The following NCOA7 variants were observed in gnomAD, a reference collection of about 807,000 sequenced individuals.
NCOA7 encodes 140 kDa estrogen receptor-associated protein.
Under a neutral mutation model 104.3 loss-of-function variants are expected in NCOA7, and 45 were observed. That is an observed-to-expected ratio of 0.43 (90% CI 0.34 to 0.55). The LOEUF (loss-of-function observed/expected upper bound fraction) is 0.55. NCOA7 is among the 20% of genes least tolerant of loss of function. The probability of loss-of-function intolerance (pLI) is 0.02; values close to 1 mark genes in which losing one functional copy is unlikely to be tolerated. For missense variants in NCOA7, 1,041 were observed against 1,119.7 expected (o/e 0.93, Z 1.00); for synonymous variants, 398 against 402.3 (o/e 0.99, Z 0.13).
intron 12 of NCOA7, among the ~76,000 whole-genome samples, chr6:125,921,513 A>G (rs916908974): frequency 4.6e-5 from 7 of 152,226 alleles, no homozygotes; most frequent in African/African-American, 1.4e-4. Context: ...CACTAAGGCC[A>G]GTGCCCCCTG....
At chr6:125,825,078 C>G (rs888855615) in intron 2 of NCOA7, among the ~76,000 whole-genome samples, 3 of 151,000 alleles carry the variant, frequency 2.0e-5, no homozygotes, top group African/African-American at 7.3e-5. Context: ...TGGCTCACAC[C>G]TGTAATCCCA....
chr6:125,861,376 TTA>T (rs1416002962), intron 3 of NCOA7, among the ~76,000 whole-genome samples: 1 of 152,214 alleles, frequency 6.6e-6, no homozygotes, highest in African/African-American at 2.4e-5. Context: ...CAAAGTTATG[TTA>T]TATTTGATAA....
At chr6:125,829,512 G>A (rs562476712) in intron 2 of NCOA7, among the ~76,000 whole-genome samples, 31 of 152,316 alleles carry the variant, frequency 2.0e-4, no homozygotes, top group African/African-American at 5.8e-4. Context: ...CTTGATATAC[G>A]TTGTGTTTGT....
At chr6:125,819,398 A>G (rs1339415856) in intron 2 of NCOA7, among the ~76,000 whole-genome samples, 1 of 151,904 alleles carries the variant, frequency 6.6e-6, no homozygotes, top group Admixed American at 6.6e-5. Context: ...TAATACTGCT[A>G]CTAGATAGAG....
At chr6:125,813,475 G>A (rs1233149523) in intron 1 of NCOA7, among the ~76,000 whole-genome samples, 4 of 148,884 alleles carry the variant, frequency 2.7e-5, no homozygotes, top group Non-Finnish European at 3.0e-5. Flanking sequence ...TTTTTAGACG[G>A]AGTTTTGCTC....
chr6:125,824,608 G>A (rs1778485913), intron 2 of NCOA7, among the ~76,000 whole-genome samples: 1 of 152,150 alleles, frequency 6.6e-6, no homozygotes, highest in Non-Finnish European at 1.5e-5. Flanking sequence ...CAACTGTTGG[G>A]TAAATTTCAG....
chr6:125,821,705 A>G (rs1040677117), intron 2 of NCOA7, among the ~76,000 whole-genome samples: 1 of 152,206 alleles, frequency 6.6e-6, no homozygotes, highest in Non-Finnish European at 1.5e-5. Flanking sequence ...TACCAAGACA[A>G]TAGGAAGCAG....
chr6:125,899,861 C>T (rs1190126308), intron 10 of NCOA7: 3 of 416,346 alleles, frequency 7.2e-6, no homozygotes, highest in South Asian at 1.7e-5. Context: ...TACAGTCAGA[C>T]GTAAGCTCAT....
At chr6:125,888,176 C>T (rs972898191) in intron 8 of NCOA7, among the ~76,000 whole-genome samples, 7 of 152,112 alleles carry the variant, frequency 4.6e-5, no homozygotes, top group African/African-American at 9.7e-5. Flanking sequence ...AGCTGATAAA[C>T]GAGCTGCACC....
chr6:125,922,157 A>T (rs2128697923), intron 12 of NCOA7, among the ~76,000 whole-genome samples: 1 of 152,294 alleles, frequency 6.6e-6, no homozygotes, highest in South Asian at 2.1e-4. Flanking sequence ...ATTATTGGTT[A>T]TTTATGGCCA....
At chr6:125,805,898 T>C (rs988072990) in intron 1 of NCOA7, among the ~76,000 whole-genome samples, 3 of 152,242 alleles carry the variant, frequency 2.0e-5, no homozygotes, top group African/African-American at 7.2e-5. Context: ...CACCAGATTC[T>C]AGTCATTGAT....
chr6:125,921,313 G>C (rs904348449), intron 12 of NCOA7, among the ~76,000 whole-genome samples: 1 of 152,132 alleles, frequency 6.6e-6, no homozygotes, highest in African/African-American at 2.4e-5. Flanking sequence ...AGGAGGCTGA[G>C]ACAGGAGAAT....
chr6:125,791,928 A>AT (rs1774900552), intron 1 of NCOA7, among the ~76,000 whole-genome samples: 1 of 152,122 alleles, frequency 6.6e-6, no homozygotes, highest in Non-Finnish European at 1.5e-5. Context: ...CCAGACTATC[A>AT]TTTTTTATTT....
intron 2 of NCOA7, among the ~76,000 whole-genome samples, chr6:125,818,255 C>T (rs1035701689): frequency 1.3e-5 from 2 of 152,120 alleles, no homozygotes. Context: ...CAATGTTAAC[C>T]TCTTCTTGTT....
At chr6:125,913,583 A>C in intron 10 of NCOA7, 1 of 829,866 alleles carries the variant, frequency 1.2e-6, no homozygotes, top group South Asian at 5.5e-5. Flanking sequence ...TTTGTAATAG[A>C]AATGGTAACA....
chr6:125,919,367 A>G, intron 11 of NCOA7: 16 of 1,612,856 alleles, frequency 9.9e-6, no homozygotes, highest in Non-Finnish European at 1.4e-5. Flanking sequence ...ATGAGAGGCC[A>G]AAGATTACCC....
At chr6:125,884,037 A>G (rs531678408) in intron 7 of NCOA7, among the ~76,000 whole-genome samples, 5 of 152,246 alleles carry the variant, frequency 3.3e-5, no homozygotes, top group Admixed American at 2.0e-4. Flanking sequence ...CCTCTTAGTC[A>G]TCACCATTCT....
At chr6:125,910,395 A>G (rs1009215554) in intron 10 of NCOA7, among the ~76,000 whole-genome samples, 3 of 152,228 alleles carry the variant, frequency 2.0e-5, no homozygotes, top group Non-Finnish European at 4.4e-5. Context: ...AGTTATAGTG[A>G]AGCATAGTTC....
chr6:125,867,700 C>T (rs111803037), intron 3 of NCOA7, among the ~76,000 whole-genome samples: 3 of 152,078 alleles, frequency 2.0e-5, no homozygotes, highest in Admixed American at 6.5e-5. Flanking sequence ...ACATTAGGTT[C>T]GCCTCTATGT....
Sources: gnomAD v4.1 joint callset for allele counts (sites outside exome capture counted in the v4.1 genomes callset) on GRCh38, gnomAD v4.1.1 for gene constraint, MANE v1.5 for transcripts, NCBI Gene and HGNC (gene_info 2026-07-23, HGNC 2026-07-21) for gene names.